Variants in GRM8 observed in about 807,000 individuals in gnomAD.
GRM8 encodes glutamate metabotropic receptor 8.
Under a neutral mutation model 87.2 loss-of-function variants are expected in GRM8, and 47 were observed. The ratio of observed to expected loss-of-function variants is 0.54; its 90% CI spans 0.43 to 0.69. The LOEUF is 0.69. GRM8 is among the 30% of genes least tolerant of loss of function. The probability of loss-of-function intolerance (pLI) is 0.00; values close to 1 mark genes in which losing one functional copy is unlikely to be tolerated. For missense variants in GRM8, 1,019 were observed against 1,139.2 expected, an observed-to-expected ratio of 0.89 and a Z score of 1.52; for synonymous variants, 396 against 404.5, an observed-to-expected ratio of 0.98 and a Z score of 0.25.
chr7:127,042,840 G>A (rs770174314), intron 3 of GRM8, among the ~76,000 whole-genome samples: 3 of 152,120 alleles, frequency 2.0e-5, no homozygotes, highest in Non-Finnish European at 4.4e-5. Context: ...TACAGAATGG[G>A]AGAAACTTTT....
chr7:127,197,482 T>C (rs1047492385), intron 2 of GRM8, among the ~76,000 whole-genome samples: 11 of 152,190 alleles, frequency 7.2e-5, no homozygotes, highest in Admixed American at 7.2e-4. Context: ...ACTTTTTTCC[T>C]ACTGTGCTTC....
chr7:126,606,785 G>A (rs1240723332), intron 8 of GRM8, among the ~76,000 whole-genome samples: 3 of 152,116 alleles, frequency 2.0e-5, no homozygotes, highest in East Asian at 1.9e-4. Flanking sequence ...TTTTATGAAC[G>A]ATAATACAGT....
At chr7:126,584,020 C>T (rs1157911954) in intron 8 of GRM8, among the ~76,000 whole-genome samples, 2 of 152,076 alleles carry the variant, frequency 1.3e-5, no homozygotes, top group Non-Finnish European at 2.9e-5. Context: ...ATTGCCACAG[C>T]CTCCCCAACC....
intron 7 of GRM8, among the ~76,000 whole-genome samples, chr7:126,615,260 T>C (rs555510997): frequency 2.0e-5 from 3 of 152,278 alleles, no homozygotes; most frequent in Non-Finnish European, 4.4e-5. Flanking sequence ...CAGAATTTCA[T>C]ATCCAGCCAA....
At chr7:127,035,542 C>G (rs1817770211) in intron 3 of GRM8, among the ~76,000 whole-genome samples, 1 of 152,172 alleles carries the variant, frequency 6.6e-6, no homozygotes, top group Non-Finnish European at 1.5e-5. Context: ...AAGGCTATTA[C>G]TTGTTTCTCA....
intron 6 of GRM8, among the ~76,000 whole-genome samples, chr7:126,901,003 A>G (rs572595769): frequency 6.6e-6 from 1 of 152,312 alleles, no homozygotes; most frequent in Admixed American, 6.5e-5. Context: ...GGTAGAATAA[A>G]GCCCAAATTC....
intron 2 of GRM8, 141 bp from the exon 3 acceptor site, chr7:127,106,853 A>G (rs1347815161): frequency 4.7e-6 from 3 of 638,176 alleles, no homozygotes; most frequent in Non-Finnish European, 8.5e-6. Context: ...ATGACTACCA[A>G]TTTAATTGGA....
chr7:126,509,635 T>C (rs1400517188), intron 9 of GRM8, among the ~76,000 whole-genome samples: 1 of 152,038 alleles, frequency 6.6e-6, no homozygotes, highest in Non-Finnish European at 1.5e-5. Flanking sequence ...AATTATCACC[T>C]CCAATTACAC....
At chr7:127,072,696 C>A (rs1209743814) in intron 3 of GRM8, among the ~76,000 whole-genome samples, 3 of 150,536 alleles carry the variant, frequency 2.0e-5, no homozygotes, top group Non-Finnish European at 4.4e-5. Flanking sequence ...AATATTAATT[C>A]AGTAAGATGG....
At chr7:126,529,436 A>G (rs1424954679) in intron 9 of GRM8, among the ~76,000 whole-genome samples, 1 of 152,220 alleles carries the variant, frequency 6.6e-6, no homozygotes, top group Non-Finnish European at 1.5e-5. Context: ...GAAGTAAAGT[A>G]AAGGGGCAGG....
chr7:126,655,317 A>G (rs896118010), intron 7 of GRM8, among the ~76,000 whole-genome samples: 5 of 152,178 alleles, frequency 3.3e-5, no homozygotes, highest in Non-Finnish European at 5.9e-5. Flanking sequence ...ATGAGATCCC[A>G]GTTGCATCCC....
At chr7:126,776,991 T>C (rs1050682003) in intron 6 of GRM8, among the ~76,000 whole-genome samples, 1 of 152,156 alleles carries the variant, frequency 6.6e-6, no homozygotes, top group African/African-American at 2.4e-5. Context: ...GTATGAAGTA[T>C]CCTGTAACTG....
chr7:126,872,390 G>GTCTT (rs1799176863), intron 6 of GRM8, among the ~76,000 whole-genome samples: 1 of 152,018 alleles, frequency 6.6e-6, no homozygotes, highest in Non-Finnish European at 1.5e-5. Context: ...AGACCTCTTT[G>GTCTT]TCTTACCCAG....
intron 3 of GRM8, among the ~76,000 whole-genome samples, chr7:127,097,957 T>C (rs12113383): frequency 0.086 from 13,167 of 152,264 alleles, 1,891 homozygotes; most frequent in African/African-American, 0.3. Context: ...TACTAAGCCC[T>C]AAATATTAGG....
intron 7 of GRM8, among the ~76,000 whole-genome samples, chr7:126,611,296 T>A (rs1049057372): frequency 6.6e-6 from 1 of 152,172 alleles, no homozygotes; most frequent in African/African-American, 2.4e-5. Context: ...TTTCTTCACC[T>A]GTAAAATGGG....
At chr7:126,770,981 C>G (rs10229548) in intron 6 of GRM8, among the ~76,000 whole-genome samples, 17,196 of 151,736 alleles carry the variant, frequency 0.11, 3,219 homozygotes, top group African/African-American at 0.39. Context: ...GTTGGGCATA[C>G]AAGAAAAAAT....
chr7:126,547,669 A>C (rs9942680), intron 8 of GRM8, among the ~76,000 whole-genome samples: 4 of 151,620 alleles, frequency 2.6e-5, no homozygotes, highest in African/African-American at 4.8e-5. Context: ...ATGCCCAATA[A>C]TTATAAGAAG....
chr7:126,625,717 A>C (rs906798295), intron 7 of GRM8, among the ~76,000 whole-genome samples: 3 of 152,168 alleles, frequency 2.0e-5, no homozygotes, highest in African/African-American at 7.2e-5. Flanking sequence ...TGTGATATGC[A>C]TCTCAGGGAA....
chr7:126,587,240 T>G (rs949198971), intron 8 of GRM8, among the ~76,000 whole-genome samples: 2 of 152,218 alleles, frequency 1.3e-5, no homozygotes, highest in Admixed American at 1.3e-4. Context: ...GACTGTAAAC[T>G]AGTTCAACCA....
Sources: allele counts gnomAD v4.1 joint callset (sites outside exome capture counted in the v4.1 genomes callset), GRCh38; gene constraint gnomAD v4.1.1; transcripts MANE v1.5; gene names NCBI Gene and HGNC (gene_info 2026-07-23, HGNC 2026-07-21).